ESRRG: variants seen among roughly 807,000 people sequenced by gnomAD.
ESRRG encodes the protein estrogen related receptor gamma.
ESRRG carries 13 observed loss-of-function variants against 44.0 expected under a neutral mutation model. The observed-to-expected ratio is 0.30, with a 90% CI of 0.19 to 0.47. The LOEUF (loss-of-function observed/expected upper bound fraction) is 0.47. ESRRG is among the 20% of genes least tolerant of loss of function. ESRRG has a pLI of 1.00. For missense variants in ESRRG, 395 were observed against 580.6 expected (o/e 0.68, Z 3.29); for synonymous variants, 215 against 214.6 (o/e 1.00, Z -0.02).
chr1:216,960,015 G>A (rs948650111), intron 1 of ESRRG, among the ~76,000 whole-genome samples: 24 of 151,938 alleles, frequency 1.6e-4, no homozygotes, highest in African/African-American at 2.7e-4. Flanking sequence ...ACAGCTGGTC[G>A]GTTCCAGAGT....
At chr1:216,592,821 A>G (rs2057895443) in intron 3 of ESRRG, among the ~76,000 whole-genome samples, 1 of 152,158 alleles carries the variant, frequency 6.6e-6, no homozygotes, top group Admixed American at 6.5e-5. Context: ...TCTTGTTATA[A>G]TCTGGCAGAG....
At chr1:216,859,351 C>T (rs1348926957) in intron 2 of ESRRG, among the ~76,000 whole-genome samples, 1 of 152,152 alleles carries the variant, frequency 6.6e-6, no homozygotes. Flanking sequence ...CAGAGGCCAA[C>T]AGACTCCTTC....
At chr1:216,773,097 T>C (rs2093448305) in intron 2 of ESRRG, among the ~76,000 whole-genome samples, 1 of 151,906 alleles carries the variant, frequency 6.6e-6, no homozygotes. Flanking sequence ...AACAAACAAA[T>C]CAAGGCATGA....
intron 2 of ESRRG, among the ~76,000 whole-genome samples, chr1:216,934,515 G>T (rs748759285): frequency 4.6e-5 from 7 of 152,204 alleles, no homozygotes; most frequent in Non-Finnish European, 8.8e-5. Flanking sequence ...GGCTGGGGTG[G>T]CCTCACAATC....
intron 1 of ESRRG, among the ~76,000 whole-genome samples, chr1:217,107,939 G>A (rs920070955): frequency 6.6e-6 from 1 of 151,672 alleles, no homozygotes; most frequent in Non-Finnish European, 1.5e-5. Flanking sequence ...TTCATAAACA[G>A]ACTAGCCCAT....
chr1:216,742,382 T>C (rs55879758), intron 2 of ESRRG, among the ~76,000 whole-genome samples: 8,258 of 152,170 alleles, frequency 0.054, 730 homozygotes, highest in African/African-American at 0.19. Context: ...AAATTTGTGG[T>C]AAGTGAGCAA....
intron 5 of ESRRG, among the ~76,000 whole-genome samples, chr1:216,536,896 A>G (rs1374777059): frequency 1.3e-5 from 2 of 152,040 alleles, no homozygotes; most frequent in Admixed American, 6.6e-5. Context: ...ATAGAGAAAC[A>G]TGAATACAAA....
At chr1:216,688,582 A>T (rs1451838592) in intron 1 of ESRRG, among the ~76,000 whole-genome samples, 1 of 152,204 alleles carries the variant, frequency 6.6e-6, no homozygotes, top group Non-Finnish European at 1.5e-5. Flanking sequence ...TTACAGAGTT[A>T]AGATGTTAAG....
In ESRRG at chr1:216,505,292, C is replaced by T. The variant is rs1285791352; in HGVS notation, c.*1647G>A. 6.6e-6 allele frequency: 1 copy of T among 152,556 alleles called. No homozygotes were observed. Among genetic ancestry groups the T allele is most frequent in the Non-Finnish European group, 1.5e-5 (1 of 68,026 alleles). 9.5% of individuals were successfully genotyped at this position (152,556 alleles called of 1,614,324 possible). On this transcript the variant is annotated 3_prime_UTR_variant, in exon 7 of 7. Transcript: ENST00000408911. ...GATTACACCTCTTAACAGTCTGGAA[C>T]CTGACTTGACTTTCATGCTGTGACA...
intron 1 of ESRRG, among the ~76,000 whole-genome samples, chr1:216,687,026 C>CGTGTGTGTGTGT (rs143144178): frequency 6.7e-5 from 10 of 149,140 alleles, no homozygotes; most frequent in African/African-American, 2.0e-4. Flanking sequence ...TGGCAGGGCC[C>CGTGTGTGTGTGT]GTGTGTGTGT....
At chr1:216,882,416 A>T (rs1482571373) in intron 2 of ESRRG, among the ~76,000 whole-genome samples, 2 of 152,200 alleles carry the variant, frequency 1.3e-5, no homozygotes, top group Non-Finnish European at 2.9e-5. Context: ...ACAGCAAAGC[A>T]CTGTTGAATG....
chr1:216,730,378 A>C (rs2088528801), intron 2 of ESRRG, among the ~76,000 whole-genome samples: 1 of 152,060 alleles, frequency 6.6e-6, no homozygotes, highest in Admixed American at 6.5e-5. Context: ...AGAATTGGGA[A>C]TGTACTGGTA....
chr1:216,618,689 A>C (rs2061753941), intron 3 of ESRRG, among the ~76,000 whole-genome samples: 1 of 152,222 alleles, frequency 6.6e-6, no homozygotes, highest in African/African-American at 2.4e-5. Context: ...ATAATTTTCG[A>C]AATTTTCCTA....
chr1:216,819,900 G>A (rs2095249640), intron 2 of ESRRG, among the ~76,000 whole-genome samples: 1 of 152,134 alleles, frequency 6.6e-6, no homozygotes, highest in Non-Finnish European at 1.5e-5. Flanking sequence ...TGTTTACAGG[G>A]TATGGAGCAG....
At chr1:216,893,451 T>C (rs746337680) in intron 2 of ESRRG, among the ~76,000 whole-genome samples, 43 of 152,158 alleles carry the variant, frequency 2.8e-4, no homozygotes, top group Non-Finnish European at 5.4e-4. Flanking sequence ...AGGATATAAA[T>C]AAAATGAACT....
At chr1:216,886,868 C>T (rs188218565) in intron 2 of ESRRG, among the ~76,000 whole-genome samples, 369 of 152,072 alleles carry the variant, frequency 2.4e-3, no homozygotes, top group African/African-American at 8.6e-3. Context: ...GGACTACGGG[C>T]GTGTAACACC....
intron 2 of ESRRG, among the ~76,000 whole-genome samples, chr1:216,835,192 A>C (rs1206887141): frequency 2.0e-5 from 3 of 152,202 alleles, no homozygotes. Context: ...GTTGAAAGAA[A>C]AACTTCAGCT....
At chr1:217,126,913 C>T (rs1376688994) in intron 1 of ESRRG, among the ~76,000 whole-genome samples, 4 of 152,088 alleles carry the variant, frequency 2.6e-5, no homozygotes, top group Admixed American at 1.3e-4. Flanking sequence ...TTGATTGTTT[C>T]CCAAATTTGT....
chr1:216,661,706 T>C (rs1466512116), intron 2 of ESRRG, among the ~76,000 whole-genome samples: 1 of 151,372 alleles, frequency 6.6e-6, no homozygotes, highest in Admixed American at 6.7e-5. Flanking sequence ...AGTACTTCTG[T>C]TCTTGGATGC....
Sources: allele counts gnomAD v4.1 joint callset (sites outside exome capture counted in the v4.1 genomes callset), GRCh38; gene constraint gnomAD v4.1.1; transcripts MANE v1.5; gene names NCBI Gene and HGNC (gene_info 2026-07-23, HGNC 2026-07-21).